Variants in NCBP3 observed in about 807,000 individuals in gnomAD.
NCBP3 encodes the protein nuclear cap-binding protein subunit 3.
In NCBP3, 20 loss-of-function variants were observed where a neutral mutation model predicts 75.7. The ratio of observed to expected loss-of-function variants is 0.26; its 90% CI spans 0.19 to 0.38. The LOEUF is 0.38. Ranked by LOEUF, NCBP3 falls within the 10% of genes least tolerant of loss-of-function variation. The pLI is 1.00. For missense variants in NCBP3, 678 were observed against 796.9 expected (o/e 0.85, Z 1.80); for synonymous variants, 293 against 290.5 (o/e 1.01, Z -0.09).
rs969308084 is a variant in NCBP3 at position 3,807,025 on chromosome 17, T to C, written c.*6019A>G. 3 of 152,236 alleles carry C rather than the reference T, an allele frequency of 2.0e-5. No individual in the cohort carries two copies. Among genetic ancestry groups the C allele is most frequent in the African/African-American group, 7.2e-5 (3 of 41,460 alleles). The allele number at this position is 152,236 out of a possible 1,614,324, so 9.4% of individuals were successfully genotyped here. A position where few individuals can be genotyped will look rare whatever the true frequency, so the allele number is the denominator to read the frequency against. ...TGGTTTGCTGTGGCTTCACAGTAAA[T>C]TTTGACTTAAGTCTAAAGCGTGTGT... is the stretch of plus-strand genomic sequence containing the variant. On this transcript the variant is annotated 3_prime_UTR_variant, in exon 13 of 13. Coordinates refer to ENST00000389005, the MANE Select transcript of NCBP3 (RefSeq NM_001114118.3).
At chr17:3,828,042 C>A (rs999531147) in intron 4 of NCBP3, among the ~76,000 whole-genome samples, 1 of 152,232 alleles carries the variant, frequency 6.6e-6, no homozygotes, top group Non-Finnish European at 1.5e-5. Flanking sequence ...CCTCAGCCTC[C>A]TGAATAGCTG....
chr17:3,820,088 G>A (rs1240181899), intron 9 of NCBP3, among the ~76,000 whole-genome samples: 1 of 152,126 alleles, frequency 6.6e-6, no homozygotes, highest in African/African-American at 2.4e-5. Context: ...GGGACCACAG[G>A]TATGTGCCAT....
At chr17:3,824,647 T>C (rs1190695424) in intron 7 of NCBP3, 1 of 196,070 alleles carries the variant, frequency 5.1e-6, no homozygotes, top group African/African-American at 2.4e-5. Context: ...AAAGTTTCAT[T>C]TGAAAGTTTT....
In NCBP3 at chr17:3,816,274, TA is replaced by T; in HGVS notation, c.1311-5del. On this transcript the variant is annotated splice_polypyrimidine_tract_variant and splice_region_variant and intron_variant, in intron 10 of 12. Coordinates refer to ENST00000389005, the MANE Select transcript of NCBP3 (RefSeq NM_001114118.3). Reference sequence around the variant, plus strand: ...ACTATCTGCCCTCATGGAGTTCCTTTAAAAAGGGGGTAGGATGGGGCACAGT... The same window carrying T: ...ACTATCTGCCCTCATGGAGTTCCTTTAAAAGGGGGTAGGATGGGGCACAGT... 4 of 1,612,000 alleles carry T rather than the reference TA, an allele frequency of 2.5e-6. No homozygotes were observed. The highest frequency in any genetic ancestry group is 2.2e-5 in the East Asian group (1 of 44,680).
Position 3,812,620 on chromosome 17 carries a change from A to T in NCBP3, c.*424T>A. ...AAGGATGTCCAATAAGCACCTGGGA[A>T]TTGACTTTTCTTGGGAAAAGGGTGC... On this transcript the variant is annotated 3_prime_UTR_variant, in exon 13 of 13. Coordinates refer to ENST00000389005, the MANE Select transcript of NCBP3 (RefSeq NM_001114118.3). The T allele has an allele frequency of 9.8e-7, 1 of 1,018,584 alleles. No homozygotes were observed. Among genetic ancestry groups the T allele is most frequent in the South Asian group, 3.9e-5 (1 of 25,600 alleles). The allele number at this position is 1,018,584 out of a possible 1,614,324, so 63.1% of individuals were successfully genotyped here. A position where few individuals can be genotyped will look rare whatever the true frequency, so the allele number is the denominator to read the frequency against.
Position 3,818,532 on chromosome 17 carries a change from TTCC to T in NCBP3, c.1038_1040del (p.Glu359del), listed in dbSNP as rs2053598164. The T allele has an allele frequency of 1.9e-6, 3 of 1,607,946 alleles. No homozygotes were observed. The highest frequency in any genetic ancestry group is 2.2e-5 in the South Asian group (2 of 91,010). ...CTTCCTCTTCCTCCTCCTCCTCCTC[TTCC>T]TCCTCTTCAATGGGTTCCTCGGGAA... is the stretch of plus-strand genomic sequence containing the variant. On this transcript the variant is annotated inframe_deletion, in exon 10 of 13. Transcript: ENST00000389005. This position sits in a 1 kb window ranked among gnomAD's most constrained non-coding sequence, Gnocchi z 4.7.
rs1220716907 is a variant in NCBP3, at chr17:3,807,920, G to A, written c.*5124C>T. The A allele has an allele frequency of 6.6e-6, 1 of 152,162 alleles. No individual in the cohort carries two copies. The highest frequency in any genetic ancestry group is 1.5e-5 in the Non-Finnish European group (1 of 68,046). 9.4% of individuals were successfully genotyped at this position (152,162 alleles called of 1,614,324 possible). A position where few individuals can be genotyped will look rare whatever the true frequency, so the allele number is the denominator to read the frequency against. ...CAAGAAATTACAGTCCAGTGTAGAG[G>A]TGTGCAGGGTTGTGGGGTACAGTGA... On this transcript the variant is annotated 3_prime_UTR_variant, in exon 13 of 13. Coordinates refer to ENST00000389005, the MANE Select transcript of NCBP3 (RefSeq NM_001114118.3).
chr17:3,813,035 C>T lies in NCBP3; in HGVS notation c.*9G>A, dbSNP rs200612423. Reference sequence around the variant, plus strand: ...GGCTTTAGGGCAGCTGCCATAGGCCCCAGGGGCATCAGGACTCTGCCTCTG... The same window carrying T: ...GGCTTTAGGGCAGCTGCCATAGGCCTCAGGGGCATCAGGACTCTGCCTCTG... On this transcript the variant is annotated 3_prime_UTR_variant, in exon 13 of 13. Transcript: ENST00000389005. 6.8e-6 allele frequency: 11 copies of T among 1,614,084 alleles called. No individual in the cohort carries two copies. The Admixed American group carries it at 1.7e-4, about 24-fold the overall frequency.
At chr17:3,833,840 T>A (rs1408089792) in intron 3 of NCBP3, among the ~76,000 whole-genome samples, 3 of 152,176 alleles carry the variant, frequency 2.0e-5, no homozygotes, top group African/African-American at 7.2e-5. Context: ...AAAATTAAAT[T>A]TTTTGTCAGA....
At chr17:3,840,250 C>A (rs564350410) in intron 2 of NCBP3, 45 bp from the exon 3 acceptor site, 1 of 1,480,440 alleles carries the variant, frequency 6.8e-7, no homozygotes, top group African/African-American at 1.4e-5. Flanking sequence ...ATGGAGAAGG[C>A]GAGTTAAATC....
intron 4 of NCBP3, among the ~76,000 whole-genome samples, chr17:3,827,243 C>G (rs2053805036): frequency 6.6e-6 from 1 of 152,180 alleles, no homozygotes; most frequent in African/African-American, 2.4e-5. Flanking sequence ...TATATTTAAA[C>G]TACTTGGAAC....
intron 1 of NCBP3, among the ~76,000 whole-genome samples, chr17:3,844,640 C>T (rs1886880349): frequency 1.3e-5 from 2 of 152,182 alleles, no homozygotes; most frequent in South Asian, 4.1e-4. Context: ...CACCTGAGGT[C>T]AGGTGTTCGA....
chr17:3,817,966 T>C (rs2053577667), intron 10 of NCBP3, among the ~76,000 whole-genome samples: 2 of 149,032 alleles, frequency 1.3e-5, no homozygotes, highest in South Asian at 2.1e-4. Context: ...CCCTGTGCCA[T>C]ACACACACAC....
At chr17:3,828,866 G>A (rs1040248162) in intron 4 of NCBP3, among the ~76,000 whole-genome samples, 3 of 152,196 alleles carry the variant, frequency 2.0e-5, no homozygotes, top group African/African-American at 7.2e-5. Context: ...TAACAGTACA[G>A]AAGGCAGTAA....
Position 3,826,243 on chromosome 17 carries a change from A to G in NCBP3, c.482-28T>C, listed in dbSNP as rs1367167767. ...AAAATAAAATGTAAAATAAGACATT[A>G]CACAGCATGGAAATGGTAAGCTTCT... is the stretch of plus-strand genomic sequence containing the variant. On this transcript the variant is annotated intron_variant, in intron 4 of 12. Transcript: ENST00000389005. 3.9e-6 allele frequency: 6 copies of G among 1,525,602 alleles called. No homozygotes were observed. In the Admixed American group the frequency reaches 1.1e-4, roughly 27 times the overall value. The allele number at this position is 1,525,602 out of a possible 1,614,324, so 94.5% of individuals were successfully genotyped here. A position where few individuals can be genotyped will look rare whatever the true frequency, so the allele number is the denominator to read the frequency against.
chr17:3,804,234 T>A lies in NCBP3; in HGVS notation c.*8810A>T, dbSNP rs1302132310. ...AAAATGTTCATGGATGGAGGAGACG[T>A]GCTCGGCGTGAGGTGAAAGGGCTGC... On this transcript the variant is annotated 3_prime_UTR_variant, in exon 13 of 13. Transcript: ENST00000389005. The A allele has an allele frequency of 6.6e-6, 1 of 151,778 alleles. No homozygotes were observed. The highest frequency in any genetic ancestry group is 1.5e-5 in the Non-Finnish European group (1 of 67,996). 9.4% of individuals were successfully genotyped at this position (151,778 alleles called of 1,614,324 possible).
chr17:3,817,434 T>A (rs1481677342), intron 10 of NCBP3, among the ~76,000 whole-genome samples: 1 of 152,002 alleles, frequency 6.6e-6, no homozygotes, highest in African/African-American at 2.4e-5. Flanking sequence ...ATTGAGACCA[T>A]CCTGGCCAAC....
In NCBP3 at chr17:3,803,804, G is replaced by T. The variant is rs915830234; in HGVS notation, c.*9240C>A. On this transcript the variant is annotated 3_prime_UTR_variant, in exon 13 of 13. Transcript: ENST00000389005. The stretch of plus-strand genomic sequence containing the variant: ...AAAAATGGGCAGGTGGGCCAGGCGC[G>T]GTGGCTCACGCCTGTAATCCCAGCA... 4.6e-5 allele frequency: 7 copies of T among 152,232 alleles called. No homozygotes were observed. The highest frequency in any genetic ancestry group is 6.5e-5 in the Admixed American group (1 of 15,282). The allele number at this position is 152,232 out of a possible 1,614,324, so 9.4% of individuals were successfully genotyped here. A position where few individuals can be genotyped will look rare whatever the true frequency, so the allele number is the denominator to read the frequency against.
chr17:3,845,909 G>A (rs1272725499), intron 1 of NCBP3, 132 bp downstream of exon 1: 16 of 1,065,738 alleles, frequency 1.5e-5, no homozygotes, highest in Non-Finnish European at 2.0e-5. Context: ...CCGTTCCCAG[G>A]ACGCTGGCTC....
Sources: gnomAD v4.1 joint callset for allele counts (sites outside exome capture counted in the v4.1 genomes callset) on GRCh38, gnomAD v4.1.1 for gene constraint, Gnocchi (gnomAD v3.1) non-coding constraint, MANE v1.5 for transcripts, NCBI Gene and HGNC (gene_info 2026-07-23, HGNC 2026-07-21) for gene names.